The following COX20 variants were observed in gnomAD, a reference collection of about 807,000 sequenced individuals.
The protein encoded by COX20 is cytochrome c oxidase assembly factor COX20.
Under a neutral mutation model 14.3 loss-of-function variants are expected in COX20, and 14 were observed. The ratio of observed to expected loss-of-function variants is 0.98; its 90% CI spans 0.65 to 1.53. The LOEUF is 1.53. Among genes scored for constraint, COX20 ranks in the 40% most tolerant of loss-of-function variants. The probability of loss-of-function intolerance (pLI) is 0.00; values close to 1 mark genes in which losing one functional copy is unlikely to be tolerated. For synonymous variants in COX20, 56 were observed against 51.7 expected (o/e 1.08, Z -0.36); for missense variants, 149 against 142.1 (o/e 1.05, Z -0.25).
At position 244,844,769 on chromosome 1, in the gene COX20, A is replaced by C. The variant is rs1363318011; in HGVS notation, c.*1593A>C. On this transcript the variant is annotated 3_prime_UTR_variant, in exon 4 of 4. Coordinates refer to ENST00000411948, the MANE Select transcript of COX20 (RefSeq NM_198076.6). ...GACAGAGTGAGACTCCATCTCAAAA[A>C]AAAAAAAAAATTCCATAGGATGTTC... The C allele has an allele frequency of 2.6e-5, 4 of 152,118 alleles. No individual in the cohort carries two copies. The highest frequency in any genetic ancestry group is 5.9e-5 in the Non-Finnish European group (4 of 68,048). The allele number at this position is 152,118 out of a possible 1,614,324, so 9.4% of individuals were successfully genotyped here.
Position 244,843,301 on chromosome 1 carries a change from G to A in COX20, c.*125G>A. 1 of 1,173,704 alleles carries A rather than the reference G, an allele frequency of 8.5e-7. No homozygotes were observed. Among genetic ancestry groups the A allele is most frequent in the South Asian group, 1.5e-5 (1 of 68,634 alleles). The allele number at this position is 1,173,704 out of a possible 1,614,324, so 72.7% of individuals were successfully genotyped here. ...TTGTAGTCATTTTTTTCCCACACTT[G>A]TGTGGAATGAAAACTTGCCAGTTTA... On this transcript the variant is annotated 3_prime_UTR_variant, in exon 4 of 4. Transcript: ENST00000411948.
In COX20 at chr1:244,843,213, A is replaced by G. The variant is rs760225037; in HGVS notation, c.*37A>G. 6 of 1,514,150 alleles carry G rather than the reference A, an allele frequency of 4.0e-6. No individual in the cohort carries two copies. In the Admixed American group the frequency reaches 9.3e-5, roughly 24 times the overall value. The allele number at this position is 1,514,150 out of a possible 1,614,324, so 93.8% of individuals were successfully genotyped here. On this transcript the variant is annotated 3_prime_UTR_variant, in exon 4 of 4. Coordinates refer to ENST00000411948, the MANE Select transcript of COX20 (RefSeq NM_198076.6). ...CATAGAAGTCAATGTAAACGAAGTT[A>G]AGATCAACCACATAAAACATTTCAT...
chr1:244,838,239 A>G (rs188385453), intron 1 of COX20, among the ~76,000 whole-genome samples: 2 of 152,180 alleles, frequency 1.3e-5, no homozygotes, highest in South Asian at 4.1e-4. Context: ...TGCCATTAAG[A>G]GGAAGGTTTG....
At chr1:244,839,795 T>C (rs780429538) in intron 1 of COX20, 1 of 152,218 alleles carries the variant, frequency 6.6e-6, no homozygotes, top group Non-Finnish European at 1.5e-5. Context: ...GGTTACTTCT[T>C]AATGATGTGG....
At chr1:244,842,322 A>G (rs1028738798) in intron 3 of COX20, 64 bp downstream of exon 3, 2 of 1,145,614 alleles carry the variant, frequency 1.7e-6, no homozygotes, top group South Asian at 1.2e-5. Context: ...CAAAAAGCAC[A>G]TGCTCTTTTC....
chr1:244,836,268 C>A (rs999511571), intron 1 of COX20, among the ~76,000 whole-genome samples: 4 of 152,202 alleles, frequency 2.6e-5, no homozygotes, highest in Admixed American at 1.3e-4. Flanking sequence ...TCCATACTCT[C>A]CTGAATCCAC....
chr1:244,839,477 A>G (rs1680110859), intron 1 of COX20, among the ~76,000 whole-genome samples: 1 of 151,502 alleles, frequency 6.6e-6, no homozygotes, highest in Non-Finnish European at 1.5e-5. Flanking sequence ...GTTAGTGGCA[A>G]AGAGTTAAAT....
intron 3 of COX20, chr1:244,842,626 A>T (rs1356441661): frequency 1.2e-4 from 34 of 272,272 alleles, no homozygotes; most frequent in Non-Finnish European, 2.4e-4. Context: ...GCCAGACCTA[A>T]GAGTATGATA....
upstream of COX20, chr1:244,835,460 T>C (rs1481876731): frequency 5.3e-6 from 2 of 377,104 alleles, no homozygotes; most frequent in Non-Finnish European, 4.7e-6. Context: ...CTCCTTCCGC[T>C]CTCCCGCCCC....
intron 1 of COX20, among the ~76,000 whole-genome samples, chr1:244,837,106 TAAAA>T (rs776082805): frequency 6.9e-6 from 1 of 144,742 alleles, no homozygotes; most frequent in African/African-American, 2.5e-5. Flanking sequence ...CATTGGAAAT[TAAAA>T]AAAAAAAACT....
At chr1:244,839,047 C>G (rs1348688101) in intron 1 of COX20, among the ~76,000 whole-genome samples, 1 of 152,196 alleles carries the variant, frequency 6.6e-6, no homozygotes, top group Non-Finnish European at 1.5e-5. Context: ...ACTTTGGCCT[C>G]CCAAAGTGCT....
At chr1:244,840,093 T>A (rs559664204) in intron 1 of COX20, 5 of 152,350 alleles carry the variant, frequency 3.3e-5, no homozygotes, top group African/African-American at 9.6e-5. Flanking sequence ...AGCTTCTATT[T>A]AGATATTTGC....
intron 1 of COX20, chr1:244,841,164 C>CTG (rs1680184501): frequency 6.6e-6 from 1 of 152,152 alleles, no homozygotes; most frequent in Non-Finnish European, 1.5e-5. Flanking sequence ...AGAATTTTAG[C>CTG]ACTTGAAGGA....
chr1:244,841,977 A>T lies in COX20; in HGVS notation c.76A>T (p.Asn26Tyr). Reference sequence around the variant, plus strand: ...GCTCCTAGGATTTTTAGATGTTGAAAATACTCCCTGCGCCCGGCATTCAAT... The same window carrying T: ...GCTCCTAGGATTTTTAGATGTTGAATATACTCCCTGCGCCCGGCATTCAAT... ...LKLLGFLDVE[N>Y]TPCARHSILY... Residue 26 changes from asparagine (N) to tyrosine (Y), a missense_variant, in exon 2 of 4, where the codon AAT (asparagine) becomes TAT (tyrosine). Physicochemically the swap from Asn to Tyr is moderately radical, Grantham distance 143 (BLOSUM62 -2). Coordinates refer to ENST00000411948, the MANE Select transcript of COX20 (RefSeq NM_198076.6). 1 of 1,609,250 alleles carries T rather than the reference A, an allele frequency of 6.2e-7. No homozygotes were observed. The highest frequency in any genetic ancestry group is 8.5e-7 in the Non-Finnish European group (1 of 1,176,880).
intron 1 of COX20, chr1:244,841,445 C>T (rs1351098405): frequency 6.5e-6 from 1 of 154,566 alleles, no homozygotes; most frequent in Non-Finnish European, 1.4e-5. Context: ...TTTACTCTTA[C>T]AACCACAGTT....
At position 244,842,181 on chromosome 1, in the gene COX20, GCTTA is replaced by G; in HGVS notation, c.158-13_158-10del. 1 of 1,571,844 alleles carries G rather than the reference GCTTA, an allele frequency of 6.4e-7. No homozygotes were observed. The highest frequency in any genetic ancestry group is 1.1e-5 in the South Asian group (1 of 90,094). ...TAATTATATTCTAATTAATTGTTAT[GCTTA>G]TTTTTACAGGTAGAATTAGAAGATC... On this transcript the variant is annotated splice_polypyrimidine_tract_variant and intron_variant, in intron 2 of 3. Coordinates refer to ENST00000411948, the MANE Select transcript of COX20 (RefSeq NM_198076.6).
intron 1 of COX20, chr1:244,836,394 C>G: frequency 1.8e-6 from 2 of 1,084,204 alleles, no homozygotes; most frequent in Non-Finnish European, 2.8e-6. Flanking sequence ...AACCCAAATT[C>G]TTGGTATAGT....
rs1057521643 is a variant in COX20, at chr1:244,835,676, C to A, written c.-39C>A. On this transcript the variant is annotated 5_prime_UTR_variant, in exon 1 of 4. Transcript: ENST00000411948. ...CAGCCGGGCTTCTGCTTCCGCGACC[C>A]CGGCGGTGCAGGGCGGGTGGAGTCG... 2 of 1,237,334 alleles carry A rather than the reference C, an allele frequency of 1.6e-6. No homozygotes were observed. Among genetic ancestry groups the A allele is most frequent in the Admixed American group, 4.2e-5 (1 of 23,702 alleles). The allele number at this position is 1,237,334 out of a possible 1,614,324, so 76.6% of individuals were successfully genotyped here. A position where few individuals can be genotyped will look rare whatever the true frequency, so the allele number is the denominator to read the frequency against.
chr1:244,836,460 T>C (rs911524463), intron 1 of COX20: 1 of 1,548,858 alleles, frequency 6.5e-7, no homozygotes, highest in Non-Finnish European at 8.7e-7. Flanking sequence ...CAAAGCTGAC[T>C]TACGTACTTT....
Sources: allele counts gnomAD v4.1 joint callset (sites outside exome capture counted in the v4.1 genomes callset), GRCh38; gene constraint gnomAD v4.1.1; transcripts MANE v1.5; gene names NCBI Gene and HGNC (gene_info 2026-07-23, HGNC 2026-07-21).